The following SLC24A3 variants were observed in gnomAD, a reference collection of about 807,000 sequenced individuals.
SLC24A3 encodes the protein solute carrier family 24 member 3, also known as sodium/potassium/calcium exchanger 3.
A neutral mutation model predicts 75.8 loss-of-function variants in SLC24A3; 28 were observed. The observed-to-expected ratio is 0.37, with a 90% CI of 0.27 to 0.51. SLC24A3 has a LOEUF of 0.51. Ranked by LOEUF, SLC24A3 falls within the 20% of genes least tolerant of loss-of-function variation. SLC24A3 has a pLI of 0.94. For missense variants in SLC24A3, 663 were observed against 847.8 expected (o/e 0.78, Z 2.71); for synonymous variants, 372 against 334.1 (o/e 1.11, Z -1.24).
chr20:19,527,804 T>C (rs975298932), intron 3 of SLC24A3, among the ~76,000 whole-genome samples: 3 of 152,238 alleles, frequency 2.0e-5, no homozygotes, highest in Non-Finnish European at 4.4e-5. Context: ...AGGATCACGA[T>C]GTTCTCCAAC....
intron 3 of SLC24A3, among the ~76,000 whole-genome samples, chr20:19,543,153 A>G (rs964299956): frequency 2.0e-5 from 3 of 152,186 alleles, no homozygotes; most frequent in African/African-American, 7.2e-5. Flanking sequence ...CAGGAGAGTA[A>G]AAAAGAGCTT....
chr20:19,702,190 T>C (rs1535252), intron 15 of SLC24A3, among the ~76,000 whole-genome samples: 71,570 of 152,064 alleles, frequency 0.47, 18,126 homozygotes, highest in South Asian at 0.65. Context: ...CCTTCTGACA[T>C]TTTCCCAATA....
At chr20:19,362,705 G>A (rs1985811582) in intron 2 of SLC24A3, among the ~76,000 whole-genome samples, 1 of 152,102 alleles carries the variant, frequency 6.6e-6, no homozygotes, top group Non-Finnish European at 1.5e-5. Flanking sequence ...GACTTGAACC[G>A]ACGTCTCCTG....
Position 19,698,633 on chromosome 20 carries a change from G to T in SLC24A3, c.1672G>T (p.Gly558Cys). ...CGTGTTTGACATCCTGATTGGCCTC[G>T]GTCTCCCCTGGGCTCTGCAGACCCT... ...SNVFDILIGL[G>C]LPWALQTLAV... Residue 558 changes from glycine (G) to cysteine (C), a missense_variant, in exon 15 of 17, where the codon GGT (glycine) becomes TGT (cysteine). Gly to Cys is a radical substitution (Grantham distance 159, BLOSUM62 -3). This residue lies in a region of SLC24A3 where 510 missense variants were observed against 703.6 expected (regional missense o/e 0.72). Coordinates refer to ENST00000328041, the MANE Select transcript of SLC24A3 (RefSeq NM_020689.4). 1 of 1,593,958 alleles carries T rather than the reference G, an allele frequency of 6.3e-7. No homozygotes were observed. The highest frequency in any genetic ancestry group is 2.3e-5 in the East Asian group (1 of 44,152).
In SLC24A3 at chr20:19,292,297, A is replaced by G. The variant is rs191437977; in HGVS notation, c.271+11210A>G. Among the ~76,000 whole-genome samples, 120 of 152,294 alleles carry G rather than the reference A, an allele frequency of 7.9e-4. 1 individual carries two copies. Among genetic ancestry groups the G allele is most frequent in the African/African-American group, 2.8e-3 (115 of 41,544 alleles). ...TGCAAACGGAGTCTCAGCTTGTCAC[A>G]CTTAAGAGATTGTAGTTATTATTCA... On this transcript the variant is annotated intron_variant, in intron 2 of 16. Transcript: ENST00000328041.
At chr20:19,648,336 G>T (rs1055801357) in intron 6 of SLC24A3, among the ~76,000 whole-genome samples, 1 of 152,114 alleles carries the variant, frequency 6.6e-6, no homozygotes, top group Non-Finnish European at 1.5e-5. Context: ...CAAAACTCAT[G>T]ATTTCTCAAA....
chr20:19,584,971 C>T lies in SLC24A3; in HGVS notation c.424C>T (p.Arg142Cys), dbSNP rs750308866. 5.6e-6 allele frequency: 9 copies of T among 1,612,868 alleles called. No individual in the cohort carries two copies. The highest frequency in any genetic ancestry group is 1.7e-5 in the Admixed American group (1 of 59,944). ...GTGCTTTGTCTTTGCTCCTCTGTAG[C>T]GCCTGCACCTCAGTGAAGATGTGGC... ...FVPSLEKICE[R>C]LHLSEDVAGA... Residue 142 changes from arginine to cysteine, a missense_variant and splice_region_variant, in exon 5 of 17, where the codon CGC (arginine) becomes TGC (cysteine). Transcript: ENST00000328041.
chr20:19,628,864 G>A (rs1250139495), intron 6 of SLC24A3, among the ~76,000 whole-genome samples: 1 of 152,176 alleles, frequency 6.6e-6, no homozygotes, highest in Non-Finnish European at 1.5e-5. Context: ...GGGGCTAATT[G>A]GAGAAGATGT....
At chr20:19,246,826 T>C (rs1982502534) in intron 1 of SLC24A3, among the ~76,000 whole-genome samples, 2 of 152,224 alleles carry the variant, frequency 1.3e-5, no homozygotes, top group South Asian at 4.1e-4. Context: ...TGTCTGTCTC[T>C]ATCTCTATCT....
At chr20:19,532,150 T>G (rs1324028393) in intron 3 of SLC24A3, among the ~76,000 whole-genome samples, 1 of 152,208 alleles carries the variant, frequency 6.6e-6, no homozygotes, top group Non-Finnish European at 1.5e-5. Flanking sequence ...TTTCTCAGCT[T>G]TTGATCTAGA....
At chr20:19,272,731 C>T (rs1417798118) in intron 1 of SLC24A3, among the ~76,000 whole-genome samples, 1 of 152,218 alleles carries the variant, frequency 6.6e-6, no homozygotes, top group African/African-American at 2.4e-5. Context: ...GTGCCTCCCT[C>T]CTCCCTTGGT....
At chr20:19,296,186 G>T (rs1301391659) in intron 2 of SLC24A3, among the ~76,000 whole-genome samples, 1 of 151,192 alleles carries the variant, frequency 6.6e-6, no homozygotes, top group Non-Finnish European at 1.5e-5. Context: ...TTGTATTTCA[G>T]TGGGATCAGT....
At chr20:19,609,697 C>A (rs534318592) in intron 6 of SLC24A3, among the ~76,000 whole-genome samples, 13 of 152,346 alleles carry the variant, frequency 8.5e-5, no homozygotes, top group African/African-American at 2.9e-4. Context: ...AATCTCAATG[C>A]AACCATTCTT....
intron 6 of SLC24A3, among the ~76,000 whole-genome samples, chr20:19,649,533 A>T (rs1198173663): frequency 1.3e-5 from 2 of 151,822 alleles, no homozygotes; most frequent in Admixed American, 1.3e-4. Context: ...TTGATCACTT[A>T]CCTCGATTCT....
At chr20:19,546,179 A>AAAAAAAAAAAAAAAAAC (rs765227499) in intron 3 of SLC24A3, among the ~76,000 whole-genome samples, 17 of 147,466 alleles carry the variant, frequency 1.2e-4, no homozygotes, top group Non-Finnish European at 2.0e-4. Flanking sequence ...AAAAAAAAAA[A>AAAAAAAAAAAAAAAAAC]AAAAAAAAAC....
intron 2 of SLC24A3, among the ~76,000 whole-genome samples, chr20:19,473,227 A>G (rs1408236413): frequency 6.6e-6 from 1 of 152,236 alleles, no homozygotes; most frequent in African/African-American, 2.4e-5. Context: ...CGAAGCTTGT[A>G]TCTGTGTGGC....
chr20:19,551,794 G>T (rs994968938), intron 3 of SLC24A3, among the ~76,000 whole-genome samples: 2 of 152,120 alleles, frequency 1.3e-5, no homozygotes, highest in African/African-American at 4.8e-5. Flanking sequence ...TCAGCTACAA[G>T]AATCTGCTTC....
At chr20:19,697,881 A>G (rs1293154254) in intron 14 of SLC24A3, among the ~76,000 whole-genome samples, 1 of 152,220 alleles carries the variant, frequency 6.6e-6, no homozygotes, top group African/African-American at 2.4e-5. Flanking sequence ...CAGAATCTCC[A>G]GAATCCTTGA....
intron 6 of SLC24A3, among the ~76,000 whole-genome samples, chr20:19,639,883 C>T (rs903517086): frequency 6.6e-6 from 1 of 152,264 alleles, no homozygotes. Flanking sequence ...GGTGCTAAGC[C>T]CCTCATTACC....
Sources: allele counts gnomAD v4.1 joint callset (sites outside exome capture counted in the v4.1 genomes callset), GRCh38; gene constraint gnomAD v4.1.1; regional missense constraint gnomAD v4.1.1; transcripts MANE v1.5; gene names NCBI Gene and HGNC (gene_info 2026-07-23, HGNC 2026-07-21).